The following SLC25A13 variants were observed in gnomAD, a reference collection of about 807,000 sequenced individuals.
The protein encoded by SLC25A13 is solute carrier family 25 member 13.
A neutral mutation model predicts 85.5 loss-of-function variants in SLC25A13; 70 were observed. The ratio of observed to expected loss-of-function variants is 0.82; its 90% CI spans 0.68 to 1.00. SLC25A13 has a LOEUF of 1.00. SLC25A13 is among the 50% of genes least tolerant of loss of function. SLC25A13 has a pLI of 0.00. For missense variants in SLC25A13, 765 were observed against 819.8 expected, an observed-to-expected ratio of 0.93 and a Z score of 0.82; for synonymous variants, 259 against 288.7, an observed-to-expected ratio of 0.90 and a Z score of 1.04.
At chr7:96,284,920 T>C (rs1399788195) in intron 2 of SLC25A13, among the ~76,000 whole-genome samples, 1 of 152,164 alleles carries the variant, frequency 6.6e-6, no homozygotes, top group Non-Finnish European at 1.5e-5. Context: ...ACTAATACAA[T>C]AGTACACATC....
intron 15 of SLC25A13, among the ~76,000 whole-genome samples, chr7:96,130,856 C>G (rs1320370254): frequency 6.6e-6 from 1 of 152,214 alleles, no homozygotes; most frequent in Non-Finnish European, 1.5e-5. Flanking sequence ...TAAGGAGGAG[C>G]TACACAGGTT....
At chr7:96,190,600 G>GTTTA (rs201370685) in intron 7 of SLC25A13, among the ~76,000 whole-genome samples, 5,037 of 151,786 alleles carry the variant, frequency 0.033, 200 homozygotes, top group African/African-American at 0.095. Flanking sequence ...GGTGTCTTCA[G>GTTTA]TTTATTTATT....
intron 5 of SLC25A13, among the ~76,000 whole-genome samples, chr7:96,204,661 A>G (rs2116701093): frequency 6.6e-6 from 1 of 152,342 alleles, no homozygotes; most frequent in Admixed American, 6.5e-5. Context: ...ACAAACTCAT[A>G]GGGCAAACAT....
intron 2 of SLC25A13, among the ~76,000 whole-genome samples, chr7:96,284,168 G>GA (rs1798799412): frequency 1.3e-5 from 2 of 151,748 alleles, no homozygotes; most frequent in African/African-American, 2.4e-5. Flanking sequence ...GCAGGTAAGG[G>GA]AAAAAACTAG....
chr7:96,165,294 T>C (rs1340813207), intron 13 of SLC25A13, among the ~76,000 whole-genome samples: 1 of 152,154 alleles, frequency 6.6e-6, no homozygotes, highest in Non-Finnish European at 1.5e-5. Context: ...ATAGGGAGCG[T>C]ATGCTGGCAG....
chr7:96,242,048 A>G (rs1797018577), intron 3 of SLC25A13, among the ~76,000 whole-genome samples: 2 of 152,222 alleles, frequency 1.3e-5, no homozygotes, highest in South Asian at 4.1e-4. Flanking sequence ...GTTGTAGACA[A>G]TGTACCATCA....
chr7:96,252,595 T>C (rs1421039050), intron 3 of SLC25A13, among the ~76,000 whole-genome samples: 1 of 152,042 alleles, frequency 6.6e-6, no homozygotes, highest in Non-Finnish European at 1.5e-5. Context: ...TAGGAAAAAC[T>C]AGAGATGTGA....
chr7:96,209,231 G>T (rs1267124845), intron 4 of SLC25A13, among the ~76,000 whole-genome samples: 1 of 151,678 alleles, frequency 6.6e-6, no homozygotes, highest in Non-Finnish European at 1.5e-5. Flanking sequence ...CAACCTAAAG[G>T]CTGTAGGAAA....
intron 13 of SLC25A13, among the ~76,000 whole-genome samples, chr7:96,164,773 A>G (rs1446789544): frequency 2.0e-5 from 3 of 149,120 alleles, no homozygotes; most frequent in African/African-American, 7.4e-5. Flanking sequence ...CCCTGTTGGC[A>G]ATTCTCAAAA....
At chr7:96,276,804 G>A (rs970044285) in intron 3 of SLC25A13, among the ~76,000 whole-genome samples, 4 of 152,098 alleles carry the variant, frequency 2.6e-5, no homozygotes, top group East Asian at 1.9e-4. Context: ...TTTTAAAGGC[G>A]ATTTGCTCAG....
intron 15 of SLC25A13, among the ~76,000 whole-genome samples, chr7:96,128,794 A>G (rs550463633): frequency 6.9e-6 from 1 of 145,182 alleles, no homozygotes; most frequent in East Asian, 2.2e-4. Context: ...TAATAATAAT[A>G]ATAAAAGTCA....
At chr7:96,138,158 G>GT in intron 14 of SLC25A13, among the ~76,000 whole-genome samples, 1 of 152,218 alleles carries the variant, frequency 6.6e-6, no homozygotes, top group East Asian at 1.9e-4. Flanking sequence ...AGGTTGAAAA[G>GT]TTTTTTTCCT....
chr7:96,308,845 A>G (rs1419130133), intron 1 of SLC25A13, among the ~76,000 whole-genome samples: 1 of 152,244 alleles, frequency 6.6e-6, no homozygotes, highest in African/African-American at 2.4e-5. Flanking sequence ...CGCTCTTAGA[A>G]CAAATCAATG....
chr7:96,259,368 T>G (rs937802359), intron 3 of SLC25A13, among the ~76,000 whole-genome samples: 10 of 150,682 alleles, frequency 6.6e-5, no homozygotes, highest in African/African-American at 2.4e-4. Flanking sequence ...ATTTACAAGA[T>G]AAAAACAACC....
At chr7:96,166,052 G>A (rs114230797) in intron 13 of SLC25A13, among the ~76,000 whole-genome samples, 2,242 of 152,312 alleles carry the variant, frequency 0.015, 57 homozygotes, top group African/African-American at 0.051. Context: ...CTTATTTATA[G>A]GGGAGTGTAA....
chr7:96,256,956 T>C (rs1205359271), intron 3 of SLC25A13, among the ~76,000 whole-genome samples: 5 of 152,216 alleles, frequency 3.3e-5, no homozygotes, highest in African/African-American at 9.6e-5. Context: ...AACCTGCTCC[T>C]GAATGACTAC....
At chr7:96,224,969 C>T (rs569761477) in intron 4 of SLC25A13, among the ~76,000 whole-genome samples, 50 of 152,258 alleles carry the variant, frequency 3.3e-4, no homozygotes, top group Admixed American at 2.0e-4. Context: ...TACTCAACTT[C>T]CCCATGTCTA....
chr7:96,191,431 C>T (rs931508220), intron 6 of SLC25A13, among the ~76,000 whole-genome samples, 184 bp from the exon 7 acceptor site: 1 of 152,074 alleles, frequency 6.6e-6, no homozygotes, highest in African/African-American at 2.4e-5. Context: ...GCAACTGCAA[C>T]TAATCATGAC....
chr7:96,221,278 A>G (rs191063895), intron 4 of SLC25A13, among the ~76,000 whole-genome samples: 4 of 152,208 alleles, frequency 2.6e-5, no homozygotes, highest in African/African-American at 7.2e-5. Flanking sequence ...GAGACTATTT[A>G]CTTTCAAAAC....
Sources: allele counts gnomAD v4.1 joint callset (sites outside exome capture counted in the v4.1 genomes callset), GRCh38; gene constraint gnomAD v4.1.1; transcripts MANE v1.5; gene names NCBI Gene and HGNC (gene_info 2026-07-23, HGNC 2026-07-21).